PSG3: variants seen among roughly 807,000 people sequenced by gnomAD.
The protein encoded by PSG3 is pregnancy specific beta-1-glycoprotein 3.
PSG3 carries 61 observed loss-of-function variants against 47.5 expected under a neutral mutation model. That is an observed-to-expected ratio of 1.28 (90% CI 1.05 to 1.59). The LOEUF is 1.59. PSG3 is among the 40% of genes most tolerant of loss of function. PSG3 has a pLI of 0.00. For synonymous variants in PSG3, 263 were observed against 198.4 expected, an observed-to-expected ratio of 1.33 and a Z score of -2.74; for missense variants, 756 against 524.0, an observed-to-expected ratio of 1.44 and a Z score of -4.32.
chr19:42,733,113 C>T (rs760377889), intron 2 of PSG3, 51 bp from the exon 3 acceptor site: 3 of 1,577,848 alleles, frequency 1.9e-6, no homozygotes, highest in South Asian at 1.2e-5. Context: ...TTTGATTCCT[C>T]CAAAGGCATT....
intron 3 of PSG3, chr19:42,732,490 G>C (rs1187235435): frequency 3.1e-6 from 2 of 651,972 alleles, no homozygotes; most frequent in Non-Finnish European, 5.0e-6. Flanking sequence ...CAACACTGAA[G>C]TCCCAGCCAA....
intron 1 of PSG3, among the ~76,000 whole-genome samples, chr19:42,739,885 C>A (rs1474954906): frequency 6.6e-6 from 1 of 152,070 alleles, no homozygotes; most frequent in Non-Finnish European, 1.5e-5. Context: ...GACCCCTGTC[C>A]CTCTTGGGTG....
intron 5 of PSG3, among the ~76,000 whole-genome samples, chr19:42,726,289 G>T (rs896533448): frequency 6.6e-5 from 10 of 152,040 alleles, no homozygotes; most frequent in Admixed American, 3.9e-4. Context: ...GAAAGGTCTA[G>T]TCAGAAAAAT....
chr19:42,736,866 A>G (rs986445608), intron 2 of PSG3, among the ~76,000 whole-genome samples: 2 of 151,998 alleles, frequency 1.3e-5, no homozygotes, highest in African/African-American at 2.4e-5. Context: ...TGATTTCTGC[A>G]CCTTTCCTAT....
At chr19:42,739,357 G>T (rs370548919) in intron 1 of PSG3, 3 of 498,980 alleles carry the variant, frequency 6.0e-6, no homozygotes, top group East Asian at 4.3e-5. Context: ...CTTCCCCAGG[G>T]GTCCGCACGG....
rs2122158273 is a variant in PSG3, at chr19:42,724,019, G to T, written c.1250C>A (p.Ser417Ter). Reference protein sequence around the residue: ...KSMTVKVSAPSGTGHLPGLNP... With the variant: ...KSMTVKVSAP ...AAGGCCAGGAAGATGTCCTGTTCCTGAAGGAGCTGTCATGGAAAAAAAAGA... is the reference window on the plus strand; with the variant it reads ...AAGGCCAGGAAGATGTCCTGTTCCTTAAGGAGCTGTCATGGAAAAAAAAGA... The change falls in exon 6 of 7, where the codon TCA becomes TAA. Residue 417 changes from serine (S) to a stop codon, truncating the protein, a stop_gained. Transcript: ENST00000327495. LOFTEE classifies it high-confidence loss of function. The T allele has an allele frequency of 6.2e-7, 1 of 1,611,486 alleles. No individual in the cohort carries two copies. Among genetic ancestry groups the T allele is most frequent in the African/African-American group, 1.3e-5 (1 of 74,996 alleles).
At chr19:42,727,718 C>G (rs920275594) in intron 5 of PSG3, among the ~76,000 whole-genome samples, 1 of 152,188 alleles carries the variant, frequency 6.6e-6, no homozygotes, top group Non-Finnish European at 1.5e-5. Context: ...GTGTGGCTCT[C>G]TCTCAAAAAA....
At position 42,723,939 on chromosome 19, in the gene PSG3, T is replaced by C. The variant is rs1600377461; in HGVS notation, c.*40+3A>G. 1 of 1,571,956 alleles carries C rather than the reference T, an allele frequency of 6.4e-7. No homozygotes were observed. Among genetic ancestry groups the C allele is most frequent in the South Asian group, 1.1e-5 (1 of 90,190 alleles). On this transcript the variant is annotated splice_donor_region_variant and intron_variant, in intron 6 of 6. Transcript: ENST00000327495. ...ACCAGGATAAGAGGAAAGGTCATCA[T>C]ACCTGCCAGTCTTCCTGAAATACAG...
At chr19:42,722,883 C>T (rs1969320699) in intron 6 of PSG3, among the ~76,000 whole-genome samples, 1 of 152,224 alleles carries the variant, frequency 6.6e-6, no homozygotes, top group South Asian at 2.1e-4. Flanking sequence ...TCAGGGAAGA[C>T]TTAAAAATTA....
chr19:42,734,116 A>G (rs890738830), intron 2 of PSG3: 2 of 152,208 alleles, frequency 1.3e-5, no homozygotes, highest in African/African-American at 4.8e-5. Flanking sequence ...GATCAGGGGA[A>G]TAGGGCGTTG....
Position 42,733,028 on chromosome 19 carries a change from G to A in PSG3, c.465C>T (p.Asn155=), listed in dbSNP as rs371709630. 1.9e-6 allele frequency: 3 copies of A among 1,614,138 alleles called. No homozygotes were observed. Among genetic ancestry groups the A allele is most frequent in the Middle Eastern group, 1.6e-4 (1 of 6,062 alleles). ...CCTCCATGTCCTCCCTGGGGTATAAGTTGCTGCTGGAGATGGAGGGCTTGG... is the reference window on the plus strand; with the variant it reads ...CCTCCATGTCCTCCCTGGGGTATAAATTGCTGCTGGAGATGGAGGGCTTGG... The part of the protein sequence containing the change: ...ETPKPSISSS[N]LYPREDMEAV... Residue 155 remains asparagine (N), a synonymous_variant, in exon 3 of 7, where the codon AAC becomes AAT. Transcript: ENST00000327495.
intron 1 of PSG3, 80 bp from the exon 2 acceptor site, chr19:42,739,169 G>A (rs1969623007): frequency 6.7e-7 from 1 of 1,487,254 alleles, no homozygotes. Flanking sequence ...TCCTGAGAAG[G>A]TCTCTTCAAT....
intron 2 of PSG3, among the ~76,000 whole-genome samples, chr19:42,737,270 G>T (rs537952607): frequency 6.6e-6 from 1 of 152,300 alleles, no homozygotes; most frequent in East Asian, 1.9e-4. Context: ...GACAGGTGTG[G>T]CTAGAACCTC....
chr19:42,728,359 A>G (rs990004787), intron 5 of PSG3, among the ~76,000 whole-genome samples: 1 of 151,994 alleles, frequency 6.6e-6, no homozygotes, highest in Admixed American at 6.6e-5. Flanking sequence ...GAATCTCCCT[A>G]TTTCTCCAGC....
intron 5 of PSG3, among the ~76,000 whole-genome samples, chr19:42,725,187 A>T (rs1969357205): frequency 6.6e-6 from 1 of 152,218 alleles, no homozygotes; most frequent in African/African-American, 2.4e-5. Context: ...TATTGACTGC[A>T]TTAAACCTTT....
chr19:42,730,455 G>A (rs933582511), intron 3 of PSG3, among the ~76,000 whole-genome samples: 1 of 152,184 alleles, frequency 6.6e-6, no homozygotes, highest in African/African-American at 2.4e-5. Context: ...CCATAGATGT[G>A]ATTTCTCTGC....
At position 42,721,749 on chromosome 19, in the gene PSG3, A is replaced by T; in HGVS notation, c.*382T>A. ...AAAGCAAATGTTTCAATTTTTGTTT[A>T]CAAAAGTATACTTTACCAATTGCTG... On this transcript the variant is annotated 3_prime_UTR_variant, in exon 7 of 7. Coordinates refer to ENST00000327495, the MANE Select transcript of PSG3 (RefSeq NM_021016.4). 5.0e-6 allele frequency: 2 copies of T among 396,770 alleles called. No homozygotes were observed. Among genetic ancestry groups the T allele is most frequent in the South Asian group, 2.9e-4 (2 of 6,952 alleles). 24.6% of individuals were successfully genotyped at this position (396,770 alleles called of 1,614,324 possible). A position where few individuals can be genotyped will look rare whatever the true frequency, so the allele number is the denominator to read the frequency against.
chr19:42,732,829 G>A lies in PSG3; in HGVS notation c.664C>T (p.Pro222Ser), dbSNP rs970019141. The change falls in exon 3 of 7, where the codon CCA becomes TCA. Residue 222 changes from proline (P) to serine (S), a missense_variant. Physicochemically the swap from Pro to Ser is moderately conservative, Grantham distance 74. Coordinates refer to ENST00000327495, the MANE Select transcript of PSG3 (RefSeq NM_021016.4). ...AGPYECEIRNPVSASRSDPVT... is the reference protein window; with the variant it reads ...AGPYECEIRNSVSASRSDPVT... ...GGGTCACTGCGGCTGGCACTCACTGGGTTCCGTATTTCACATTCATAGGGT... is the reference window on the plus strand; with the variant it reads ...GGGTCACTGCGGCTGGCACTCACTGAGTTCCGTATTTCACATTCATAGGGT... 3 of 1,614,040 alleles carry A rather than the reference G, an allele frequency of 1.9e-6. No homozygotes were observed. The highest frequency in any genetic ancestry group is 2.5e-6 in the Non-Finnish European group (3 of 1,180,020).
chr19:42,729,717 G>A, intron 4 of PSG3, 61 bp downstream of exon 4: 1 of 1,577,470 alleles, frequency 6.3e-7, no homozygotes, highest in South Asian at 1.2e-5. Context: ...GAGAGGCCTG[G>A]CCTCTGGTCG....
Sources: gnomAD v4.1 joint callset for allele counts (sites outside exome capture counted in the v4.1 genomes callset) on GRCh38, gnomAD v4.1.1 for gene constraint, MANE v1.5 for transcripts, NCBI Gene and HGNC (gene_info 2026-07-23, HGNC 2026-07-21) for gene names.